The following NAA25 variants were observed in gnomAD, a reference collection of about 807,000 sequenced individuals.
NAA25 encodes N-terminal acetyltransferase B complex subunit NAA25.
Under a neutral mutation model 132.5 loss-of-function variants are expected in NAA25, and 30 were observed. The observed-to-expected ratio is 0.23, with a 90% CI of 0.17 to 0.31. The LOEUF (loss-of-function observed/expected upper bound fraction) is 0.31, where lower values mean the gene tolerates loss of function less well. Ranked by LOEUF, NAA25 falls within the 10% of genes least tolerant of loss-of-function variation. The pLI is 1.00. For synonymous variants in NAA25, 359 were observed against 401.9 expected (o/e 0.89, Z 1.28); for missense variants, 771 against 1,150.4 (o/e 0.67, Z 4.77).
Position 112,049,579 on chromosome 12 carries a change from G to A in NAA25, c.1729-1136C>T. 1 of 985,832 alleles carries A rather than the reference G, an allele frequency of 1.0e-6. No homozygotes were observed. The highest frequency in any genetic ancestry group is 4.7e-5 in the South Asian group (1 of 21,286). 61.1% of individuals were successfully genotyped at this position (985,832 alleles called of 1,614,324 possible). On this transcript the variant is annotated intron_variant, in intron 15 of 23. Coordinates refer to ENST00000261745, the MANE Select transcript of NAA25 (RefSeq NM_024953.4). This position sits in a 1 kb window ranked among gnomAD's most constrained non-coding sequence, Gnocchi z 4.7. ...TTCGATGCGGCTTTTAAACCCCCAT[G>A]GGACACCTCGGCGAGCTGTTTGCCT... is the stretch of plus-strand genomic sequence containing the variant.
intron 9 of NAA25, among the ~76,000 whole-genome samples, 188 bp downstream of exon 9, chr12:112,074,487 T>C (rs1158581916): frequency 6.6e-6 from 1 of 152,146 alleles, no homozygotes; most frequent in East Asian, 1.9e-4. Flanking sequence ...ACCACATATT[T>C]TGGCACTAAC....
chr12:112,065,361 A>G (rs2078700607), intron 11 of NAA25, among the ~76,000 whole-genome samples: 1 of 152,190 alleles, frequency 6.6e-6, no homozygotes, highest in Non-Finnish European at 1.5e-5. Context: ...TTAGCTAGGC[A>G]TGGTGGCGGG....
At chr12:112,048,045 G>A (rs191168281) in intron 16 of NAA25, among the ~76,000 whole-genome samples, 1 of 152,208 alleles carries the variant, frequency 6.6e-6, no homozygotes, top group Non-Finnish European at 1.5e-5. Context: ...CGGAACCTTC[G>A]TAAGCACAAT....
intron 13 of NAA25, among the ~76,000 whole-genome samples, chr12:112,058,969 G>A (rs1295327472): frequency 1.3e-5 from 2 of 151,564 alleles, no homozygotes; most frequent in Admixed American, 1.3e-4. Context: ...AGCTACTCGG[G>A]AGGCTGAGGC....
At position 112,071,960 on chromosome 12, in the gene NAA25, T is replaced by C; in HGVS notation, c.971A>G (p.His324Arg). 6.2e-7 allele frequency: 1 copy of C among 1,614,138 alleles called. No homozygotes were observed. Among genetic ancestry groups the C allele is most frequent in the Non-Finnish European group, 8.5e-7 (1 of 1,180,016 alleles). Residue 324 changes from histidine (H) to arginine (R), a missense_variant, in exon 10 of 24, where the codon CAT becomes CGT. His to Arg is a conservative substitution (Grantham distance 29). Coordinates refer to ENST00000261745, the MANE Select transcript of NAA25 (RefSeq NM_024953.4). ...SKSSRHLRGP[H>R]LAKLELIRRL... Reference sequence around the variant, plus strand: ...CCTAATCAGCTCCAATTTAGCTAGATGTGGTCCTCGGAGATGGCGAGAACT... The same window carrying C: ...CCTAATCAGCTCCAATTTAGCTAGACGTGGTCCTCGGAGATGGCGAGAACT...
intron 1 of NAA25, among the ~76,000 whole-genome samples, chr12:112,106,550 C>T (rs1469579553): frequency 1.3e-5 from 2 of 152,086 alleles, no homozygotes; most frequent in South Asian, 2.1e-4. Context: ...GAATATGCAG[C>T]CCCGGGGAAA....
chr12:112,037,292 A>T (rs1320517549), intron 22 of NAA25, among the ~76,000 whole-genome samples: 2 of 100,608 alleles, frequency 2.0e-5, no homozygotes, highest in Non-Finnish European at 4.0e-5. Context: ...ATATATATAT[A>T]TATATATATA....
intron 17 of NAA25, among the ~76,000 whole-genome samples, chr12:112,044,103 T>A (rs1223198551): frequency 6.6e-6 from 1 of 151,790 alleles, no homozygotes; most frequent in East Asian, 2.0e-4. Flanking sequence ...AATTTTTTTT[T>A]TGTATTTTTA....
At chr12:112,101,480 G>A (rs1379811918) in intron 1 of NAA25, among the ~76,000 whole-genome samples, 1 of 152,024 alleles carries the variant, frequency 6.6e-6, no homozygotes, top group East Asian at 2.0e-4. Flanking sequence ...ATACAGGCCG[G>A]GTGCGGTGGC....
intron 17 of NAA25, among the ~76,000 whole-genome samples, chr12:112,045,005 G>A (rs893700189): frequency 5.3e-5 from 8 of 150,874 alleles, no homozygotes; most frequent in Admixed American, 2.6e-4. Flanking sequence ...GTGAGATATG[G>A]TCACGCCACT....
In NAA25 at chr12:112,092,879, T is replaced by C. The variant is rs537746245; in HGVS notation, c.144+172A>G. 2.9e-3 allele frequency among the ~76,000 whole-genome samples: 435 copies of C among 152,080 alleles called. 2 individuals are homozygous for C. The highest frequency in any genetic ancestry group is 9.5e-3 in the African/African-American group (396 of 41,512). On this transcript the variant is annotated intron_variant, in intron 2 of 23. Coordinates refer to ENST00000261745, the MANE Select transcript of NAA25 (RefSeq NM_024953.4). ...TTTTAGTAGAGACAGGGTTTCACCATGTTGGTCAGGCTGGTCTCAAACTCC... is the reference window on the plus strand; with the variant it reads ...TTTTAGTAGAGACAGGGTTTCACCACGTTGGTCAGGCTGGTCTCAAACTCC...
In NAA25 at chr12:112,043,950, CAG is replaced by C. The variant is rs2078337361; in HGVS notation, c.2007-84_2007-83del. Reference sequence around the variant, plus strand: ...TCAATTTTTTTTTTTTTTTTTGAGACAGAGTCTTGATCTGTCGCCCAGGCTGG... The same window carrying C: ...TCAATTTTTTTTTTTTTTTTTGAGACAGTCTTGATCTGTCGCCCAGGCTGG... On this transcript the variant is annotated intron_variant, in intron 17 of 23. Coordinates refer to ENST00000261745, the MANE Select transcript of NAA25 (RefSeq NM_024953.4). 4 of 1,262,488 alleles carry C rather than the reference CAG, an allele frequency of 3.2e-6. No individual in the cohort carries two copies. In the East Asian group the frequency reaches 7.1e-5, roughly 23 times the overall value. The allele number at this position is 1,262,488 out of a possible 1,614,324, so 78.2% of individuals were successfully genotyped here. A position where few individuals can be genotyped will look rare whatever the true frequency, so the allele number is the denominator to read the frequency against.
At chr12:112,046,340 G>A (rs2078381273) in intron 17 of NAA25, among the ~76,000 whole-genome samples, 1 of 152,204 alleles carries the variant, frequency 6.6e-6, no homozygotes, top group Non-Finnish European at 1.5e-5. Context: ...AGCACTGGAA[G>A]TCTGAGTTCT....
intron 10 of NAA25, among the ~76,000 whole-genome samples, chr12:112,070,632 C>T (rs12320093): frequency 0.03 from 4,536 of 152,164 alleles, 111 homozygotes; most frequent in African/African-American, 0.056. Flanking sequence ...AGCTGGAGTG[C>T]GGTGGCGCGA....
At chr12:112,036,791 T>C (rs928689325) in intron 22 of NAA25, among the ~76,000 whole-genome samples, 3 of 149,126 alleles carry the variant, frequency 2.0e-5, no homozygotes, top group African/African-American at 7.5e-5. Flanking sequence ...GAGGTTGTAG[T>C]GATTGCGCCA....
chr12:112,078,003 G>A (rs575211587), intron 7 of NAA25, among the ~76,000 whole-genome samples, 185 bp downstream of exon 7: 4 of 152,000 alleles, frequency 2.6e-5, no homozygotes, highest in Admixed American at 2.6e-4. Context: ...TTCTGAATCT[G>A]TTATTTTCAA....
At chr12:112,052,199 T>C (rs1418039358) in intron 15 of NAA25, among the ~76,000 whole-genome samples, 1 of 152,182 alleles carries the variant, frequency 6.6e-6, no homozygotes. Context: ...GTACAGATAC[T>C]TGAACACACA....
At chr12:112,096,963 C>T (rs2079220187) in intron 1 of NAA25, among the ~76,000 whole-genome samples, 1 of 152,152 alleles carries the variant, frequency 6.6e-6, no homozygotes, top group South Asian at 2.1e-4. Context: ...GGTATTTTTC[C>T]CTTCCCCTCT....
At chr12:112,072,658 G>C (rs2078831292) in intron 9 of NAA25, among the ~76,000 whole-genome samples, 1 of 151,716 alleles carries the variant, frequency 6.6e-6, no homozygotes, top group Non-Finnish European at 1.5e-5. Flanking sequence ...AAAATATAAG[G>C]CTGGGTGTGG....
Sources: gnomAD v4.1 joint callset for allele counts (sites outside exome capture counted in the v4.1 genomes callset) on GRCh38, gnomAD v4.1.1 for gene constraint, Gnocchi (gnomAD v3.1) non-coding constraint, MANE v1.5 for transcripts, NCBI Gene and HGNC (gene_info 2026-07-23, HGNC 2026-07-21) for gene names.